FAAH2: variants seen among roughly 807,000 people sequenced by gnomAD.
The protein encoded by FAAH2 is fatty-acid amide hydrolase 2.
In FAAH2, 60 loss-of-function variants were observed where a neutral mutation model predicts 36.9. That is an observed-to-expected ratio of 1.63 (90% CI 1.32 to 2.02). The LOEUF (loss-of-function observed/expected upper bound fraction) is 2.02. Among genes scored for constraint, FAAH2 ranks in the 30% most tolerant of loss-of-function variants. FAAH2 has a pLI of 0.00. For missense variants in FAAH2, 689 were observed against 397.5 expected (o/e 1.73, Z -6.23); for synonymous variants, 214 against 143.8 (o/e 1.49, Z -3.49).
At chrX:57,135,820 G>T in the FAAH2 span, 4 of 1,164,068 alleles carry the variant, frequency 3.4e-6, no homozygotes, top group Non-Finnish European at 3.4e-6. Flanking sequence ...TACCCTAACA[G>T]TTAGGACTTT....
At chrX:57,299,935 C>T (rs1344460497) in intron 2 of FAAH2, among the ~76,000 whole-genome samples, 20 of 111,129 alleles carry the variant, frequency 1.8e-4, no homozygotes, top group South Asian at 3.9e-4. Context: ...AACTACAAAC[C>T]ACTGCTCAAT....
At chrX:57,227,005 AT>A in the FAAH2 span, among the ~76,000 whole-genome samples, 869 of 107,846 alleles carry the variant, frequency 8.1e-3, 2 homozygotes, top group Non-Finnish European at 0.012. Context: ...TGAATTTTTA[AT>A]TTTTTTTTTC....
At chrX:57,387,222 A>C (rs1164599957) in intron 7 of FAAH2, among the ~76,000 whole-genome samples, 3 of 111,772 alleles carry the variant, frequency 2.7e-5, no homozygotes, top group East Asian at 2.8e-4. Context: ...AAAGTTAGAT[A>C]AGCATGCTAA....
intron 2 of FAAH2, among the ~76,000 whole-genome samples, chrX:57,310,283 T>A (rs1602231948): frequency 1.8e-5 from 2 of 111,990 alleles, no homozygotes; most frequent in East Asian, 5.6e-4. Flanking sequence ...GGCCATACAG[T>A]TGTCTCTTGT....
intron 10 of FAAH2, 85 bp from the exon 11 acceptor site, chrX:57,488,672 C>T: frequency 1.1e-6 from 1 of 888,578 alleles, no homozygotes; most frequent in Non-Finnish European, 1.6e-6. Context: ...ATATTTTCAC[C>T]TATTTATTAT....
intron 5 of FAAH2, among the ~76,000 whole-genome samples, chrX:57,349,294 C>CATATAT (rs2053928151): frequency 1.1e-5 from 1 of 93,016 alleles, no homozygotes; most frequent in South Asian, 4.7e-4. Context: ...TACATATATA[C>CATATAT]ACAGATATAC....
At chrX:57,448,814 T>C in intron 10 of FAAH2, 96 bp downstream of exon 10, 1 of 864,413 alleles carries the variant, frequency 1.2e-6, no homozygotes, top group Admixed American at 2.9e-5. Context: ...TGGACAAGTT[T>C]TAAACATGCA....
chrX:57,213,168 G>T, the FAAH2 span, among the ~76,000 whole-genome samples: 2 of 111,196 alleles, frequency 1.8e-5, no homozygotes, highest in East Asian at 5.6e-4. Flanking sequence ...TGTAGTATCA[G>T]TTGTAATGTC....
At chrX:57,293,643 T>A (rs1218561831) in intron 2 of FAAH2, among the ~76,000 whole-genome samples, 1 of 112,042 alleles carries the variant, frequency 8.9e-6, no homozygotes, top group Non-Finnish European at 1.9e-5. Flanking sequence ...AGTGTATCTT[T>A]AAACATTTGA....
intron 7 of FAAH2, among the ~76,000 whole-genome samples, chrX:57,401,385 T>A (rs1033960722): frequency 9.0e-5 from 10 of 111,165 alleles, no homozygotes; most frequent in Non-Finnish European, 1.9e-4. Context: ...AGAGTCAGGA[T>A]GTACAGGGAT....
At chrX:57,144,726 A>T in the FAAH2 span, among the ~76,000 whole-genome samples, 1 of 110,284 alleles carries the variant, frequency 9.1e-6, no homozygotes, top group African/African-American at 3.3e-5. Flanking sequence ...TTCTGCCTTT[A>T]TATCCTCAGA....
chrX:57,477,457 T>G (rs2057292299), intron 10 of FAAH2, among the ~76,000 whole-genome samples: 1 of 110,991 alleles, frequency 9.0e-6, no homozygotes, highest in African/African-American at 3.3e-5. Context: ...GATTTATACT[T>G]TCTTTTGTTT....
intron 10 of FAAH2, among the ~76,000 whole-genome samples, chrX:57,481,734 T>C (rs2147279492): frequency 8.9e-6 from 1 of 112,088 alleles, no homozygotes; most frequent in East Asian, 2.8e-4. Context: ...CCAGCTGAGG[T>C]GGCATTCGGT....
chrX:57,414,022 G>C (rs924127189), intron 7 of FAAH2, among the ~76,000 whole-genome samples: 1 of 111,686 alleles, frequency 9.0e-6, no homozygotes. Flanking sequence ...GTCTGTTATT[G>C]GTGTATAGGA....
At position 57,381,041 on chromosome X, in the gene FAAH2, T is replaced by C; in HGVS notation, c.996+12T>C. 1 of 1,122,408 alleles carries C rather than the reference T, an allele frequency of 8.9e-7. No homozygotes were observed. The highest frequency in any genetic ancestry group is 1.2e-6 in the Non-Finnish European group (1 of 825,116). 92.5% of individuals were successfully genotyped at this position (1,122,408 alleles called of 1,213,427 possible). A position where few individuals can be genotyped will look rare whatever the true frequency, so the allele number is the denominator to read the frequency against. ...TGACTCAGAAAAAGGTAATTTTAAA[T>C]AAAATTTGTTTAGGAATTATTTTTA... On this transcript the variant is annotated intron_variant, in intron 7 of 10. Coordinates refer to ENST00000374900, the MANE Select transcript of FAAH2 (RefSeq NM_174912.4).
the FAAH2 span, among the ~76,000 whole-genome samples, chrX:57,173,399 G>A: frequency 0.02 from 2,197 of 112,041 alleles, 67 homozygotes; most frequent in African/African-American, 0.067. Flanking sequence ...TTGGTGTATA[G>A]CAGTGCTACT....
chrX:57,394,997 T>C, intron 7 of FAAH2: 1 of 567,558 alleles, frequency 1.8e-6, no homozygotes, highest in Non-Finnish European at 3.2e-6. Context: ...GAAACAGTCA[T>C]TTAGGTCACC....
chrX:57,382,816 A>T (rs1181365101), intron 7 of FAAH2, among the ~76,000 whole-genome samples: 1 of 111,513 alleles, frequency 9.0e-6, no homozygotes, highest in Non-Finnish European at 1.9e-5. Context: ...ATCCTCCCTA[A>T]CTCATTTTAT....
At chrX:57,236,055 A>T in the FAAH2 span, among the ~76,000 whole-genome samples, 1 of 111,878 alleles carries the variant, frequency 8.9e-6, no homozygotes, top group Non-Finnish European at 1.9e-5. Context: ...CTTCTGTGAG[A>T]TCAACTTTTC....
Sources: allele counts gnomAD v4.1 joint callset (sites outside exome capture counted in the v4.1 genomes callset), GRCh38; gene constraint gnomAD v4.1.1; transcripts MANE v1.5; gene names NCBI Gene and HGNC (gene_info 2026-07-23, HGNC 2026-07-21).